The following F2 variants were observed in gnomAD, a reference collection of about 807,000 sequenced individuals.
F2 encodes the protein coagulation factor II, thrombin.
A neutral mutation model predicts 81.9 loss-of-function variants in F2; 34 were observed. The observed-to-expected ratio is 0.42, with a 90% CI of 0.32 to 0.55. F2 has a LOEUF of 0.55. F2 is among the 20% of genes least tolerant of loss of function. The probability of loss-of-function intolerance (pLI) is 0.18; values close to 1 mark genes in which losing one functional copy is unlikely to be tolerated. For missense variants in F2, 630 were observed against 833.4 expected, an observed-to-expected ratio of 0.76 and a Z score of 3.00; for synonymous variants, 296 against 326.4, an observed-to-expected ratio of 0.91 and a Z score of 1.01.
rs2064868244 is a variant in F2, at chr11:46,725,873, A to G, written c.574A>G (p.Thr192Ala). 4 of 1,612,870 alleles carry G rather than the reference A, an allele frequency of 2.5e-6. No individual in the cohort carries two copies. Among genetic ancestry groups the G allele is most frequent in the Non-Finnish European group, 3.4e-6 (4 of 1,180,004 alleles). Residue 192 changes from threonine (T) to alanine (A), a missense_variant, in exon 7 of 14, where the codon ACT becomes GCT. Thr to Ala is a moderately conservative substitution (Grantham distance 58, BLOSUM62 0). Transcript: ENST00000311907. ...SIPVCGQDQV[T>A]VAMTPRSEGS... ...TCACCCACCAGGCCAGGATCAAGTC[A>G]CTGTAGCGATGACTCCACGCTCCGA... is the stretch of plus-strand genomic sequence containing the variant.
intron 12 of F2, among the ~76,000 whole-genome samples, chr11:46,737,707 G>A (rs1322458045): frequency 6.6e-6 from 1 of 151,996 alleles, no homozygotes; most frequent in African/African-American, 2.4e-5. Flanking sequence ...CAAAGTGCTG[G>A]TATTACGGGC....
intron 3 of F2, 54 bp downstream of exon 3, chr11:46,720,601 G>T: frequency 6.2e-7 from 1 of 1,607,184 alleles, no homozygotes; most frequent in Non-Finnish European, 8.5e-7. Context: ...ACCCCAGTGA[G>T]AGAATTCTAC....
chr11:46,734,648 T>TAAAAATAC (rs1276576650), intron 12 of F2, among the ~76,000 whole-genome samples: 1 of 151,910 alleles, frequency 6.6e-6, no homozygotes, highest in Admixed American at 6.6e-5. Flanking sequence ...CTGTCTCTAC[T>TAAAAATAC]AAAAATACAA....
intron 4 of F2, among the ~76,000 whole-genome samples, chr11:46,722,387 C>A (rs1394840098): frequency 2.0e-5 from 3 of 151,928 alleles, no homozygotes; most frequent in Non-Finnish European, 2.9e-5. Flanking sequence ...GGGTTTGAGA[C>A]CATCCTGGCC....
chr11:46,732,886 C>T (rs905433292), intron 12 of F2, among the ~76,000 whole-genome samples: 1 of 152,118 alleles, frequency 6.6e-6, no homozygotes, highest in African/African-American at 2.4e-5. Flanking sequence ...GTGTTGGAAC[C>T]AGCCATTTCT....
Position 46,735,796 on chromosome 11 carries a change from T to C in F2, c.1655-3252T>C, listed in dbSNP as rs187019514. ...AATTAGCCAGACATGGAGGCACATGTCTGTAATCCCAGCTACTCGGGAGGC... is the reference window on the plus strand; with the variant it reads ...AATTAGCCAGACATGGAGGCACATGCCTGTAATCCCAGCTACTCGGGAGGC... On this transcript the variant is annotated intron_variant, in intron 12 of 13. Transcript: ENST00000311907. 6.7e-5 allele frequency among the ~76,000 whole-genome samples: 10 copies of C among 149,828 alleles called. No homozygotes were observed. The East Asian group carries it at 1.8e-3, about 27-fold the overall frequency.
intron 12 of F2, among the ~76,000 whole-genome samples, chr11:46,735,291 AT>A (rs1013352291): frequency 6.6e-6 from 1 of 152,106 alleles, no homozygotes; most frequent in African/African-American, 2.4e-5. Flanking sequence ...AATACAAAAA[AT>A]TAGCTGGGTG....
chr11:46,726,834 C>T lies in F2; in HGVS notation c.1127C>T (p.Pro376Leu). 2 of 1,614,068 alleles carry T rather than the reference C, an allele frequency of 1.2e-6. No homozygotes were observed. The highest frequency in any genetic ancestry group is 1.7e-6 in the Non-Finnish European group (2 of 1,180,006). The change falls in exon 9 of 14, where the codon CCT becomes CTT. Residue 376 changes from proline to leucine, a missense_variant. By Grantham distance (98) the Pro-to-Leu change is moderately conservative. Coordinates refer to ENST00000311907, the MANE Select transcript of F2 (RefSeq NM_000506.5). The surrounding 1 kb of genome is among the most constrained non-coding windows in gnomAD (Gnocchi z 5.9). ...EGSDAEIGMSPWQVMLFRKSP... is the reference protein window; with the variant it reads ...EGSDAEIGMSLWQVMLFRKSP... Reference sequence around the variant, plus strand: ...TCGGATGCAGAGATCGGCATGTCACCTTGGTGTGTCCTGGAGCCCTGCGCT... The same window carrying T: ...TCGGATGCAGAGATCGGCATGTCACTTTGGTGTGTCCTGGAGCCCTGCGCT...
chr11:46,723,105 G>A lies in F2; in HGVS notation c.317-75G>A, dbSNP rs1178131040. 6 of 1,276,254 alleles carry A rather than the reference G, an allele frequency of 4.7e-6. No homozygotes were observed. The South Asian group carries it at 5.9e-5, about 13-fold the overall frequency. 79.1% of individuals were successfully genotyped at this position (1,276,254 alleles called of 1,614,324 possible). On this transcript the variant is annotated intron_variant, in intron 4 of 13. Coordinates refer to ENST00000311907, the MANE Select transcript of F2 (RefSeq NM_000506.5). This position sits in a 1 kb window ranked among gnomAD's most constrained non-coding sequence, Gnocchi z 5.6. ...TGGACCTGCATGAGCTGGGAGGTGG[G>A]GGATAGACAACTTTGCAGGGAGAGA...
Position 46,728,267 on chromosome 11 carries a change from C to T in F2, c.1298+104C>T. 3 of 1,234,526 alleles carry T rather than the reference C, an allele frequency of 2.4e-6. No individual in the cohort carries two copies. The highest frequency in any genetic ancestry group is 1.2e-6 in the Non-Finnish European group (1 of 863,768). The allele number at this position is 1,234,526 out of a possible 1,614,324, so 76.5% of individuals were successfully genotyped here. On this transcript the variant is annotated intron_variant, in intron 10 of 13. Coordinates refer to ENST00000311907, the MANE Select transcript of F2 (RefSeq NM_000506.5). The surrounding 1 kb of genome is among the most constrained non-coding windows in gnomAD (Gnocchi z 5.1). ...GGGACACATAGGATGTTCTGTATAC[C>T]CCCCAGAATATAACATCCCAGCAGT...
chr11:46,733,939 T>C (rs1212731947), intron 12 of F2, among the ~76,000 whole-genome samples: 1 of 150,124 alleles, frequency 6.7e-6, no homozygotes, highest in Non-Finnish European at 1.5e-5. Flanking sequence ...CAGGCGCGAG[T>C]CACCATGCCC....
chr11:46,720,294 A>C, intron 2 of F2: 1 of 589,140 alleles, frequency 1.7e-6, no homozygotes, highest in Non-Finnish European at 3.0e-6. Context: ...CTCTCCTCCC[A>C]TCTCCCCCAG....
At chr11:46,733,770 A>G (rs2064927256) in intron 12 of F2, among the ~76,000 whole-genome samples, 1 of 142,316 alleles carries the variant, frequency 7.0e-6, no homozygotes, top group African/African-American at 2.6e-5. Flanking sequence ...ATCGTATCAT[A>G]TGATTAAGGA....
intron 2 of F2, 112 bp from the exon 3 acceptor site, chr11:46,720,411 C>T (rs898355824): frequency 1.2e-5 from 15 of 1,253,376 alleles, no homozygotes; most frequent in Non-Finnish European, 1.8e-5. Flanking sequence ...TCCCCAGAGC[C>T]TGCCCCCTGC....
Position 46,726,231 on chromosome 11 carries a change from A to C in F2, c.874+58A>C, listed in dbSNP as rs188568623. The C allele has an allele frequency of 1.0e-4, 165 of 1,597,358 alleles. No individual in the cohort carries two copies. The highest frequency in any genetic ancestry group is 1.3e-5 in the African/African-American group (1 of 74,906). ...GGGACAAATCCTGGTGGGAATAACA[A>C]CAGCCGCTTCTGCTTATCGAACGCT... On this transcript the variant is annotated intron_variant, in intron 7 of 13. Coordinates refer to ENST00000311907, the MANE Select transcript of F2 (RefSeq NM_000506.5). This position sits in a 1 kb window ranked among gnomAD's most constrained non-coding sequence, Gnocchi z 5.9.
chr11:46,729,359 G>T (rs766494814), intron 11 of F2, 21 bp from the exon 12 acceptor site: 1 of 1,611,640 alleles, frequency 6.2e-7, no homozygotes, highest in Non-Finnish European at 8.5e-7. Context: ...CTCTCACTAG[G>T]CCCTTCTTCC....
At chr11:46,731,982 C>A (rs545930176) in intron 12 of F2, among the ~76,000 whole-genome samples, 50 of 130,174 alleles carry the variant, frequency 3.8e-4, no homozygotes, top group African/African-American at 1.4e-3. Context: ...GTGGTGCGAT[C>A]TCGGCTCACT....
chr11:46,728,012 C>T lies in F2; in HGVS notation c.1147C>T (p.Arg383Trp), dbSNP rs147456134. 1.2e-6 allele frequency: 2 copies of T among 1,610,478 alleles called. No individual in the cohort carries two copies. Among genetic ancestry groups the T allele is most frequent in the Non-Finnish European group, 1.7e-6 (2 of 1,178,966 alleles). The change falls in exon 10 of 14, where the codon CGG (arginine) becomes TGG (tryptophan). Residue 383 changes from arginine (R) to tryptophan (W), a missense_variant. Arg to Trp is a moderately radical substitution (Grantham distance 101). Transcript: ENST00000311907. This position sits in a 1 kb window ranked among gnomAD's most constrained non-coding sequence, Gnocchi z 5.1. ...CCCTCCCAGGCAGGTGATGCTTTTC[C>T]GGAAGAGTCCCCAGGAGCTGCTGTG... Reference protein sequence around the residue: ...GMSPWQVMLFRKSPQELLCGA... With the variant: ...GMSPWQVMLFWKSPQELLCGA...
At chr11:46,724,027 C>T (rs2064856412) in intron 6 of F2, among the ~76,000 whole-genome samples, 1 of 152,166 alleles carries the variant, frequency 6.6e-6, no homozygotes, top group Non-Finnish European at 1.5e-5. Context: ...CTCCCCCTCC[C>T]CACTCTTGAC....
Sources: gnomAD v4.1 joint callset for allele counts (sites outside exome capture counted in the v4.1 genomes callset) on GRCh38, gnomAD v4.1.1 for gene constraint, Gnocchi (gnomAD v3.1) non-coding constraint, MANE v1.5 for transcripts, NCBI Gene and HGNC (gene_info 2026-07-23, HGNC 2026-07-21) for gene names.